MAOA: variants seen among roughly 807,000 people sequenced by gnomAD.
MAOA encodes amine oxidase [flavin-containing] A.
A neutral mutation model predicts 42.0 loss-of-function variants in MAOA; 6 were observed. That is an observed-to-expected ratio of 0.14 (90% CI 0.08 to 0.28). The LOEUF is 0.28. Among genes scored for constraint, MAOA ranks in the 10% least tolerant of loss-of-function variants. The probability of loss-of-function intolerance (pLI) is 1.00; values close to 1 mark genes in which losing one functional copy is unlikely to be tolerated. For missense variants in MAOA, 262 were observed against 422.3 expected, an observed-to-expected ratio of 0.62 and a Z score of 3.33; for synonymous variants, 140 against 154.0, an observed-to-expected ratio of 0.91 and a Z score of 0.67.
At chrX:43,699,584 TGGTG>T (rs886835508) in intron 3 of MAOA, among the ~76,000 whole-genome samples, 1 of 111,072 alleles carries the variant, frequency 9.0e-6, no homozygotes, top group African/African-American at 3.3e-5. Context: ...TTTTAGAGAG[TGGTG>T]TGATAAAGAT....
At chrX:43,683,224 A>C (rs2033457836) in intron 1 of MAOA, among the ~76,000 whole-genome samples, 1 of 111,969 alleles carries the variant, frequency 8.9e-6, no homozygotes, top group Non-Finnish European at 1.9e-5. Flanking sequence ...TTCTCTAAAT[A>C]TATGATTATC....
intron 5 of MAOA, among the ~76,000 whole-genome samples, chrX:43,727,430 T>C (rs2033847464): frequency 8.9e-6 from 1 of 112,035 alleles, no homozygotes; most frequent in Admixed American, 9.4e-5. Context: ...GTCCGCCCAG[T>C]TCGAACTTCC....
intron 1 of MAOA, among the ~76,000 whole-genome samples, chrX:43,669,207 G>A (rs1446459950): frequency 9.6e-6 from 1 of 104,478 alleles, no homozygotes; most frequent in East Asian, 3.0e-4. Context: ...TCAGGAGTTC[G>A]AGACCAACCT....
chrX:43,732,652 C>T, intron 8 of MAOA, 47 bp from the exon 9 acceptor site: 7 of 869,533 alleles, frequency 8.1e-6, no homozygotes, highest in Non-Finnish European at 1.2e-5. Flanking sequence ...ATGGGTGTCT[C>T]TGATGAGCTT....
intron 1 of MAOA, among the ~76,000 whole-genome samples, chrX:43,665,810 TTAGATAGATAGATAGA>T (rs35784967): frequency 1.7e-3 from 166 of 98,374 alleles, no homozygotes; most frequent in African/African-American, 5.5e-3. Flanking sequence ...TAGGTATAGA[TTAGATAGATAGATAGA>T]TAGATAGATA....
At chrX:43,741,902 T>C in intron 11 of MAOA, 48 bp from the exon 12 acceptor site, 1 of 1,208,120 alleles carries the variant, frequency 8.3e-7, no homozygotes, top group Non-Finnish European at 1.1e-6. Flanking sequence ...ACTCGCAGCA[T>C]TTCAGCTTTG....
At position 43,714,244 on chromosome X, in the gene MAOA, C is replaced by T. The variant is rs775113105; in HGVS notation, c.503+1448C>T. On this transcript the variant is annotated intron_variant, in intron 5 of 14. Transcript: ENST00000338702. ...CCACAGAAACAAGGCGAGATGGGGA[C>T]TGGAAGGGTGGATGGCATTGGGGGA... Among the ~76,000 whole-genome samples the T allele has an allele frequency of 7.2e-5, 8 of 110,705 alleles. No individual in the cohort carries two copies. In the East Asian group the frequency reaches 2.0e-3, roughly 28 times the overall value.
intron 1 of MAOA, 31 bp downstream of exon 1, chrX:43,656,445 G>T (rs2033180264): frequency 1.7e-6 from 2 of 1,163,093 alleles, no homozygotes; most frequent in Non-Finnish European, 2.3e-6. Flanking sequence ...TGGCCTGGGG[G>T]ACCCTGGCCA....
At chrX:43,666,665 T>G (rs2033281294) in intron 1 of MAOA, among the ~76,000 whole-genome samples, 1 of 110,553 alleles carries the variant, frequency 9.0e-6, no homozygotes, top group African/African-American at 3.3e-5. Flanking sequence ...TAAAATAAGG[T>G]GAATCACTCC....
intron 3 of MAOA, among the ~76,000 whole-genome samples, chrX:43,706,654 A>AAAT (rs1569196430): frequency 2.2e-5 from 2 of 92,197 alleles, no homozygotes; most frequent in African/African-American, 1.4e-4. Context: ...AATAAATAAA[A>AAAT]ATACAAAAAT....
intron 1 of MAOA, among the ~76,000 whole-genome samples, chrX:43,657,084 CTGTGTGTGTGTGTGTG>C (rs10560402): frequency 2.1e-4 from 15 of 71,244 alleles, no homozygotes; most frequent in African/African-American, 6.9e-4. Context: ...TAAACTATTC[CTGTGTGTGTGTGTGTG>C]TGTGTGTGTG....
chrX:43,744,059 G>A, intron 13 of MAOA, 50 bp from the exon 14 acceptor site: 6 of 1,198,371 alleles, frequency 5.0e-6, no homozygotes, highest in Non-Finnish European at 6.8e-6. Context: ...CCTTGAATCT[G>A]TAGAAACTAT....
At chrX:43,705,814 T>C (rs1258920575) in intron 3 of MAOA, among the ~76,000 whole-genome samples, 1 of 111,844 alleles carries the variant, frequency 8.9e-6, no homozygotes, top group Non-Finnish European at 1.9e-5. Context: ...AATAGATACT[T>C]TGCCAAAAAA....
intron 3 of MAOA, among the ~76,000 whole-genome samples, chrX:43,708,588 G>A (rs1244515573): frequency 2.7e-5 from 3 of 111,277 alleles, no homozygotes; most frequent in African/African-American, 9.8e-5. Flanking sequence ...AACTGATAGG[G>A]GTGAAACTAA....
At chrX:43,705,248 A>G (rs1167753002) in intron 3 of MAOA, among the ~76,000 whole-genome samples, 1 of 112,673 alleles carries the variant, frequency 8.9e-6, no homozygotes, top group Non-Finnish European at 1.9e-5. Flanking sequence ...TATAAAAACA[A>G]TGTGTACTTC....
chrX:43,685,025 C>A (rs895893870), intron 2 of MAOA, among the ~76,000 whole-genome samples: 18 of 105,141 alleles, frequency 1.7e-4, no homozygotes, highest in African/African-American at 6.6e-4. Context: ...TTACAGGCAC[C>A]CCCCCCACCA....
In MAOA at chrX:43,733,590, C is replaced by T. The variant is rs753404796; in HGVS notation, c.1052+795C>T. On this transcript the variant is annotated intron_variant, in intron 9 of 14. Transcript: ENST00000338702. ...CCTCAAAAACTATACAAATAAAAGG[C>T]GATTTATTCTACCACACTGTAACAA... 3.6e-5 allele frequency among the ~76,000 whole-genome samples: 4 copies of T among 111,777 alleles called. No homozygotes were observed. The East Asian group carries it at 1.1e-3, about 32-fold the overall frequency.
At chrX:43,714,274 G>A (rs1012353748) in intron 5 of MAOA, among the ~76,000 whole-genome samples, 3 of 110,942 alleles carry the variant, frequency 2.7e-5, no homozygotes, top group African/African-American at 9.9e-5. Context: ...GGGGGATTTT[G>A]TCTTCTAGGA....
chrX:43,659,173 T>C (rs1273138159), intron 1 of MAOA, among the ~76,000 whole-genome samples: 1 of 112,089 alleles, frequency 8.9e-6, no homozygotes, highest in East Asian at 2.8e-4. Flanking sequence ...ACACAGAGAA[T>C]AGCAGCATCT....
Sources: allele counts gnomAD v4.1 joint callset (sites outside exome capture counted in the v4.1 genomes callset), GRCh38; gene constraint gnomAD v4.1.1; transcripts MANE v1.5; gene names NCBI Gene and HGNC (gene_info 2026-07-23, HGNC 2026-07-21).